ERAP1: variants seen among roughly 807,000 people sequenced by gnomAD.
The protein encoded by ERAP1 is adipocyte-derived leucine aminopeptidase.
A neutral mutation model predicts 103.7 loss-of-function variants in ERAP1; 86 were observed. That is an observed-to-expected ratio of 0.83 (90% confidence interval 0.70 to 0.99). The LOEUF (loss-of-function observed/expected upper bound fraction) is 0.99. Among genes scored for constraint, ERAP1 ranks in the 50% least tolerant of loss-of-function variants. The probability of loss-of-function intolerance (pLI) is 0.00; values close to 1 mark genes in which losing one functional copy is unlikely to be tolerated. For missense variants in ERAP1, 1,009 were observed against 1,128.4 expected (o/e 0.89, Z 1.52); for synonymous variants, 398 against 402.4 (o/e 0.99, Z 0.13).
At position 96,768,504 on chromosome 5, in the gene ERAP1, T is replaced by C. The variant is rs1178204403; in HGVS notation, c.2819-5276A>G. On this transcript the variant is annotated intron_variant, in intron 19 of 19. Transcript: ENST00000296754. ...AACAGTATTATTTTGTGGATTTCCT[T>C]TTTTTTCTATATGTATATTTTACAT... 7.1e-5 allele frequency: 29 copies of C among 407,002 alleles called. No individual in the cohort carries two copies. In the East Asian group the frequency reaches 2.0e-3, roughly 28 times the overall value. The allele number at this position is 407,002 out of a possible 1,614,324, so 25.2% of individuals were successfully genotyped here. A position where few individuals can be genotyped will look rare whatever the true frequency, so the allele number is the denominator to read the frequency against.
the ERAP1 span, among the ~76,000 whole-genome samples, chr5:96,856,349 A>AAAAAATAT: frequency 2.3e-4 from 2 of 8,538 alleles, no homozygotes; most frequent in African/African-American, 7.2e-4. Context: ...AAAAAAAAAA[A>AAAAAATAT]ATATATATAT....
At chr5:96,884,008 T>C in the ERAP1 span, 1 of 1,347,816 alleles carries the variant, frequency 7.4e-7, no homozygotes, top group Non-Finnish European at 1.0e-6. Context: ...AAAATTGCTT[T>C]CAGGATTTCA....
At chr5:96,839,485 A>G in the ERAP1 span, among the ~76,000 whole-genome samples, 2 of 152,260 alleles carry the variant, frequency 1.3e-5, no homozygotes, top group African/African-American at 2.4e-5. Context: ...AATTACTCAG[A>G]AACTTCTAAG....
At chr5:96,810,800 T>A (rs536816415), upstream of ERAP1, among the ~76,000 whole-genome samples, 1 of 152,334 alleles carries the variant, frequency 6.6e-6, no homozygotes, top group East Asian at 1.9e-4. Context: ...TTGCTGTAAT[T>A]GATTGATTCA....
chr5:96,920,593 A>G, the ERAP1 span, among the ~76,000 whole-genome samples: 4 of 152,244 alleles, frequency 2.6e-5, no homozygotes, highest in Non-Finnish European at 1.5e-5. Context: ...AATGTCTACC[A>G]AACATAAGCC....
At chr5:96,894,182 G>A in the ERAP1 span, among the ~76,000 whole-genome samples, 2 of 152,286 alleles carry the variant, frequency 1.3e-5, no homozygotes, top group Admixed American at 1.3e-4. Context: ...TAGGTTCTCC[G>A]TAGGTATTTA....
the ERAP1 span, among the ~76,000 whole-genome samples, chr5:96,929,608 G>A: frequency 6.6e-6 from 1 of 151,986 alleles, no homozygotes; most frequent in Non-Finnish European, 1.5e-5. Context: ...TCAGTTAAAT[G>A]ATTCTCTTGC....
chr5:96,930,229 T>C, the ERAP1 span, among the ~76,000 whole-genome samples: 2 of 152,170 alleles, frequency 1.3e-5, no homozygotes. Context: ...TGATAAGAGA[T>C]CACCACATGG....
At position 96,790,586 on chromosome 5, in the gene ERAP1, C is replaced by G. The variant is rs771994807; in HGVS notation, c.1378G>C (p.Gly460Arg). ...TGCTTCTGGAGATACTGTACAATACCACTTTTAAATGCGTCAGCACTAAGA... is the reference window on the plus strand; with the variant it reads ...TGCTTCTGGAGATACTGTACAATACGACTTTTAAATGCGTCAGCACTAAGA... The part of the protein sequence containing the change: ...EYLSADAFKS[G>R]IVQYLQKHSY... The change falls in exon 9 of 19, where the codon GGT becomes CGT. Residue 460 changes from glycine to arginine, a missense_variant. Gly to Arg is a moderately radical substitution (Grantham distance 125). This residue lies in a region of ERAP1 where 611 missense variants were observed against 651.7 expected (regional missense o/e 0.94). Transcript: ENST00000443439. 1.4e-5 allele frequency: 23 copies of G among 1,612,580 alleles called. No homozygotes were observed. The highest frequency in any genetic ancestry group is 3.3e-4 in the Middle Eastern group (2 of 6,080).
At chr5:96,806,716 G>GCCT (rs1243980638) in intron 1 of ERAP1, among the ~76,000 whole-genome samples, 3 of 143,146 alleles carry the variant, frequency 2.1e-5, no homozygotes, top group African/African-American at 7.8e-5. Flanking sequence ...TGCAACCTCT[G>GCCT]CCTCCCTTCC....
At chr5:96,914,146 T>TCACACACACACACACACACACACACA in the ERAP1 span, among the ~76,000 whole-genome samples, 1 of 104,652 alleles carries the variant, frequency 9.6e-6, no homozygotes, top group African/African-American at 3.9e-5. Context: ...TCTCTCTCTC[T>TCACACACACACACACACACACACACA]CTCACACACA....
Position 96,807,858 on chromosome 5 carries a change from A to G in ERAP1, c.-18+2T>C. ...CCTACCCGCGGCTCGAGCGCGCTGT[A>G]CCTGGGGTTCTGGGGCCGCCCTCAC... On this transcript the variant is annotated splice_donor_variant, in intron 1 of 18. Coordinates refer to ENST00000443439, the MANE Select transcript of ERAP1 (RefSeq NM_001040458.3). LOFTEE classifies it low-confidence loss of function (5UTR_SPLICE). 1.0e-6 allele frequency: 1 copy of G among 985,892 alleles called. No individual in the cohort carries two copies. Among genetic ancestry groups the G allele is most frequent in the African/African-American group, 1.7e-5 (1 of 57,320 alleles). The allele number at this position is 985,892 out of a possible 1,614,324, so 61.1% of individuals were successfully genotyped here.
At chr5:96,782,338 GA>G (rs1775335186) in intron 15 of ERAP1, among the ~76,000 whole-genome samples, 1 of 152,076 alleles carries the variant, frequency 6.6e-6, no homozygotes, top group South Asian at 2.1e-4. Flanking sequence ...AAAGGCAAGA[GA>G]AAAATATCTA....
Position 96,785,787 on chromosome 5 carries a change from C to T in ERAP1, c.1943+1G>A. On this transcript the variant is annotated splice_donor_variant, in intron 13 of 18. Coordinates refer to ENST00000443439, the MANE Select transcript of ERAP1 (RefSeq NM_001040458.3). LOFTEE classifies it high-confidence loss of function. The stretch of plus-strand genomic sequence containing the variant: ...CCGCGACTTTGTGCAGCGTGTATTA[C>T]CTGACGAGCTGAAATGCATTGTTAA... The T allele has an allele frequency of 6.2e-7, 1 of 1,614,070 alleles. No homozygotes were observed. The highest frequency in any genetic ancestry group is 1.1e-5 in the South Asian group (1 of 91,084).
At position 96,776,083 on chromosome 5, in the gene ERAP1, C is replaced by A; in HGVS notation, c.*313G>T. The A allele has an allele frequency of 7.8e-7, 1 of 1,285,912 alleles. No homozygotes were observed. The allele number at this position is 1,285,912 out of a possible 1,614,324, so 79.7% of individuals were successfully genotyped here. Reference sequence around the variant, plus strand: ...GTTTATGAATGATAAACATGGGGTACAGGGTTTTGGACACGGGTGCTTAAG... The same window carrying A: ...GTTTATGAATGATAAACATGGGGTAAAGGGTTTTGGACACGGGTGCTTAAG... On this transcript the variant is annotated 3_prime_UTR_variant, in exon 19 of 19. Transcript: ENST00000443439.
At chr5:96,781,252 T>A in intron 16 of ERAP1, 54 bp from the exon 17 acceptor site, 1 of 1,555,182 alleles carries the variant, frequency 6.4e-7, no homozygotes. Context: ...GAAACAGTTA[T>A]GAATCACTGC....
At chr5:96,917,565 A>C in the ERAP1 span, 1 of 1,613,752 alleles carries the variant, frequency 6.2e-7, no homozygotes, top group African/African-American at 1.3e-5. Context: ...CTGGAGAAGA[A>C]TCTTCCGACT....
the ERAP1 span, among the ~76,000 whole-genome samples, chr5:96,920,815 A>G: frequency 2.0e-5 from 3 of 152,374 alleles, no homozygotes; most frequent in East Asian, 3.9e-4. Flanking sequence ...TCTCCAAATC[A>G]TAAGGAAGAA....
At chr5:96,813,858 TG>T in the ERAP1 span, among the ~76,000 whole-genome samples, 163 of 152,240 alleles carry the variant, frequency 1.1e-3, no homozygotes, top group South Asian at 8.3e-4. Flanking sequence ...CGTGTTATAA[TG>T]TTTTTTTAGT....
Sources: gnomAD v4.1 joint callset for allele counts (sites outside exome capture counted in the v4.1 genomes callset) on GRCh38, gnomAD v4.1.1 for gene constraint, gnomAD v4.1.1 regional missense constraint, MANE v1.5 for transcripts, NCBI Gene and HGNC (gene_info 2026-07-23, HGNC 2026-07-21) for gene names.